Variants in PLCH2 observed in about 807,000 individuals in gnomAD.
PLCH2 encodes the protein 1-phosphatidylinositol 4,5-bisphosphate phosphodiesterase eta-2.
PLCH2 carries 98 observed loss-of-function variants against 134.7 expected under a neutral mutation model. The observed-to-expected ratio is 0.73, with a 90% CI of 0.62 to 0.86. The LOEUF is 0.86. Ranked by LOEUF, PLCH2 falls within the 40% of genes least tolerant of loss-of-function variation. PLCH2 has a pLI of 0.00. For synonymous variants in PLCH2, 974 were observed against 827.5 expected (o/e 1.18, Z -3.04); for missense variants, 1,994 against 1,986.6 (o/e 1.00, Z -0.07).
intron 4 of PLCH2, among the ~76,000 whole-genome samples, chr1:2,482,351 C>A (rs1032147622): frequency 6.6e-6 from 1 of 152,206 alleles, no homozygotes; most frequent in African/African-American, 2.4e-5. Flanking sequence ...GCCATCAGCC[C>A]AGGCTCTGTC....
intron 12 of PLCH2, 102 bp downstream of exon 12, chr1:2,495,050 T>C: frequency 1.3e-6 from 1 of 788,430 alleles, no homozygotes; most frequent in Non-Finnish European, 2.0e-6. Flanking sequence ...GTGTCCTCCC[T>C]GCTCCCAGTG....
rs973177900 is a variant in PLCH2, at chr1:2,476,440, G to A, written c.-149G>A. 27 of 749,798 alleles carry A rather than the reference G, an allele frequency of 3.6e-5. No individual in the cohort carries two copies. The highest frequency in any genetic ancestry group is 1.7e-4 in the South Asian group (8 of 47,564). 46.4% of individuals were successfully genotyped at this position (749,798 alleles called of 1,614,324 possible). On this transcript the variant is annotated 5_prime_UTR_variant, in exon 1 of 22. Coordinates refer to ENST00000378486, the MANE Select transcript of PLCH2 (RefSeq NM_014638.4). ...CTGGGCACAGCCCTGTGGGGGCTTC[G>A]GAGGGCCCTGAGGAGGAGGAGGAAG...
At chr1:2,487,412 G>C in intron 7 of PLCH2, 36 bp downstream of exon 7, 1 of 1,579,862 alleles carries the variant, frequency 6.3e-7, no homozygotes, top group South Asian at 1.1e-5. Context: ...CCGTGGGCTG[G>C]CATCTGCTGT....
chr1:2,426,758 G>T (rs1003797384), intron 1 of PLCH2, among the ~76,000 whole-genome samples: 1 of 152,216 alleles, frequency 6.6e-6, no homozygotes, highest in Admixed American at 6.5e-5. Context: ...TGACACGGTT[G>T]TGGGGTCGGG....
At chr1:2,420,840 C>T in the PLCH2 span, among the ~76,000 whole-genome samples, 1 of 152,164 alleles carries the variant, frequency 6.6e-6, no homozygotes, top group South Asian at 2.1e-4. Context: ...TTCTGAGGAG[C>T]GTTGAGTGTG....
chr1:2,447,112 G>T lies in PLCH2; in HGVS notation c.115+16483G>T, dbSNP rs926714619. Among the ~76,000 whole-genome samples, 8 of 152,330 alleles carry T rather than the reference G, an allele frequency of 5.3e-5. No individual in the cohort carries two copies. In the East Asian group the frequency reaches 1.5e-3, roughly 29 times the overall value. On this transcript the variant is annotated intron_variant, in intron 2 of 3. Coordinates refer to the PLCH2 transcript ENST00000609981. ...CCGGGGTCTCCACCCCCGCAGATGG[G>T]AGCAGGCTCCTCATGCCTGCCTTCT...
At chr1:2,487,107 G>A (rs1420352066) in intron 6 of PLCH2, 66 bp from the exon 7 acceptor site, 2 of 1,503,858 alleles carry the variant, frequency 1.3e-6, no homozygotes, top group Non-Finnish European at 1.8e-6. Flanking sequence ...GTGGCATGGG[G>A]GCAGGTGGTC....
rs41315674 is a variant in PLCH2, at chr1:2,498,082, G to A, written c.2225-441G>A. 1 of 240,598 alleles carries A rather than the reference G, an allele frequency of 4.2e-6. No individual in the cohort carries two copies. Among genetic ancestry groups the A allele is most frequent in the South Asian group, 7.9e-5 (1 of 12,590 alleles). The allele number at this position is 240,598 out of a possible 1,614,324, so 14.9% of individuals were successfully genotyped here. On this transcript the variant is annotated intron_variant, in intron 16 of 21. Transcript: ENST00000378486. This position sits in a 1 kb window ranked among gnomAD's most constrained non-coding sequence, Gnocchi z 5.4. ...TGGCAGGAGTATCACCATGGGAGAG[G>A]GCAGGACAGGGGCTGGGCGAGCAGG...
intron 2 of PLCH2, among the ~76,000 whole-genome samples, chr1:2,442,872 G>A (rs183033590): frequency 6.6e-6 from 1 of 152,292 alleles, no homozygotes; most frequent in Admixed American, 6.5e-5. Context: ...ACACAGGCCA[G>A]AGCTGGGCAG....
At chr1:2,426,889 C>A (rs779083352) in intron 1 of PLCH2, among the ~76,000 whole-genome samples, 3 of 152,212 alleles carry the variant, frequency 2.0e-5, no homozygotes, top group Non-Finnish European at 4.4e-5. Context: ...GTGGCTTCTC[C>A]GGGGCCTTAG....
chr1:2,478,262 C>T (rs977880116), intron 1 of PLCH2, among the ~76,000 whole-genome samples: 4 of 152,170 alleles, frequency 2.6e-5, no homozygotes, highest in African/African-American at 4.8e-5. Flanking sequence ...CCAGGCAAGC[C>T]GGCACCTGGG....
At chr1:2,451,931 C>T (rs919082573) in intron 2 of PLCH2, among the ~76,000 whole-genome samples, 4 of 152,204 alleles carry the variant, frequency 2.6e-5, no homozygotes, top group African/African-American at 7.2e-5. Flanking sequence ...ACAGAAAACA[C>T]GTTCTGAGCC....
intron 2 of PLCH2, chr1:2,479,379 T>C: frequency 4.9e-6 from 1 of 203,728 alleles, no homozygotes. Flanking sequence ...GCTGGAGCCC[T>C]GGAGGTGTCC....
At chr1:2,480,141 C>G (rs767836691) in intron 3 of PLCH2, 42 bp from the exon 4 acceptor site, 1 of 1,609,966 alleles carries the variant, frequency 6.2e-7, no homozygotes, top group Non-Finnish European at 8.5e-7. Context: ...GGTGTCAGGG[C>G]TGGGCCCATG....
At position 2,504,033 on chromosome 1, in the gene PLCH2, C is replaced by A; in HGVS notation, c.3071C>A (p.Thr1024Asn). 1 of 1,541,286 alleles carries A rather than the reference C, an allele frequency of 6.5e-7. No homozygotes were observed. The highest frequency in any genetic ancestry group is 8.8e-7 in the Non-Finnish European group (1 of 1,139,612). ...PGPPPPAAVP[T>N]SSSQGRPPYP... The stretch of plus-strand genomic sequence containing the variant: ...CCCCCGCCACCAGCGGCTGTCCCCA[C>A]CAGCTCTTCTCAGGGACGGCCCCCA... Residue 1024 changes from threonine to asparagine, a missense_variant, in exon 22 of 22, where the codon ACC (threonine) becomes AAC (asparagine). This residue lies in a region of PLCH2 where 900 missense variants were observed against 752.3 expected (regional missense o/e 1.20). Coordinates refer to ENST00000378486, the MANE Select transcript of PLCH2 (RefSeq NM_014638.4).
At chr1:2,494,363 C>G (rs1285738330) in intron 11 of PLCH2, 2 of 181,022 alleles carry the variant, frequency 1.1e-5, no homozygotes, top group Admixed American at 5.5e-5. Context: ...AGCTCAGAAC[C>G]CGCCTCAGGG....
rs778361340 is a variant in PLCH2 at position 2,496,715 on chromosome 1, C to T, written c.1933+11C>T. On this transcript the variant is annotated intron_variant, in intron 14 of 21. Coordinates refer to ENST00000378486, the MANE Select transcript of PLCH2 (RefSeq NM_014638.4). ...ACATAGAGATGGAGGGTGAGTGGCT[C>T]GGGGACCTGGGGCCACGGGCGGAGG... is the stretch of plus-strand genomic sequence containing the variant. 387 of 1,610,002 alleles carry T rather than the reference C, an allele frequency of 2.4e-4. No individual in the cohort carries two copies. The highest frequency in any genetic ancestry group is 1.7e-3 in the South Asian group (151 of 90,858).
At position 2,498,532 on chromosome 1, in the gene PLCH2, A is replaced by C; in HGVS notation, c.2234A>C (p.Asn745Thr). The C allele has an allele frequency of 1.9e-6, 3 of 1,607,808 alleles. No individual in the cohort carries two copies. Among genetic ancestry groups the C allele is most frequent in the Non-Finnish European group, 2.5e-6 (3 of 1,178,906 alleles). ...KPGCMCQGVF[N>T]PNSEDPLPGQ... is the part of the protein sequence containing the mutation. Reference sequence around the variant, plus strand: ...CCCGGCATCCCCTCAGGCGTGTTCAACCCCAACTCGGAGGACCCCCTGCCC... The same window carrying C: ...CCCGGCATCCCCTCAGGCGTGTTCACCCCCAACTCGGAGGACCCCCTGCCC... Residue 745 changes from asparagine (N) to threonine (T), a missense_variant, in exon 17 of 22, where the codon AAC (asparagine) becomes ACC (threonine). This residue lies in a region of PLCH2 where 1,094 missense variants were observed against 1,234.3 expected (regional missense o/e 0.89). Transcript: ENST00000378486. This position sits in a 1 kb window ranked among gnomAD's most constrained non-coding sequence, Gnocchi z 5.4.
chr1:2,423,169 T>G (rs575131511), upstream of PLCH2, among the ~76,000 whole-genome samples: 26 of 151,698 alleles, frequency 1.7e-4, no homozygotes, highest in Admixed American at 1.1e-3. Context: ...TATTTAGTTT[T>G]TTTGTTTGTT....
Sources: gnomAD v4.1 joint callset for allele counts (sites outside exome capture counted in the v4.1 genomes callset) on GRCh38, gnomAD v4.1.1 for gene constraint, gnomAD v4.1.1 regional missense constraint, Gnocchi (gnomAD v3.1) non-coding constraint, MANE v1.5 for transcripts, NCBI Gene and HGNC (gene_info 2026-07-23, HGNC 2026-07-21) for gene names.